The following DCUN1D2 variants were observed in gnomAD, a reference collection of about 807,000 sequenced individuals.
DCUN1D2 encodes defective in cullin neddylation 1 domain containing 2.
A neutral mutation model predicts 30.9 loss-of-function variants in DCUN1D2; 29 were observed. The observed-to-expected ratio is 0.94, with a 90% confidence interval of 0.70 to 1.28. The LOEUF (loss-of-function observed/expected upper bound fraction) is 1.28, where lower values mean the gene tolerates loss of function less well. Ranked by LOEUF, DCUN1D2 falls within the 50% of genes most tolerant of loss-of-function variation. DCUN1D2 has a pLI of 0.00. For missense variants in DCUN1D2, 325 were observed against 316.9 expected, an observed-to-expected ratio of 1.03 and a Z score of -0.19; for synonymous variants, 121 against 115.3, an observed-to-expected ratio of 1.05 and a Z score of -0.32.
At chr13:113,464,637 G>A (rs1456648850) in intron 4 of DCUN1D2, among the ~76,000 whole-genome samples, 1 of 152,262 alleles carries the variant, frequency 6.6e-6, no homozygotes, top group Non-Finnish European at 1.5e-5. Flanking sequence ...GCCTCTGCAG[G>A]CCCAGTGCTT....
At chr13:113,482,451 TA>T (rs1476645209) in intron 2 of DCUN1D2, among the ~76,000 whole-genome samples, 6 of 152,194 alleles carry the variant, frequency 3.9e-5, no homozygotes, top group Non-Finnish European at 8.8e-5. Context: ...CAAAAATTTT[TA>T]AAGTAGACTA....
chr13:113,471,964 T>C (rs1249345119), intron 4 of DCUN1D2, among the ~76,000 whole-genome samples: 1 of 152,196 alleles, frequency 6.6e-6, no homozygotes, highest in African/African-American at 2.4e-5. Flanking sequence ...GAGGCCTGGC[T>C]GTGTGCCTGG....
chr13:113,461,458 T>C (rs1566492244), intron 4 of DCUN1D2, among the ~76,000 whole-genome samples: 1 of 152,252 alleles, frequency 6.6e-6, no homozygotes, highest in Non-Finnish European at 1.5e-5. Context: ...ATCTGGATAC[T>C]ATTAATGCGT....
upstream of DCUN1D2, chr13:113,491,273 G>C (rs1594141574): frequency 1.3e-5 from 2 of 152,372 alleles, no homozygotes; most frequent in Non-Finnish European, 2.9e-5. Context: ...CCTGCGTCCC[G>C]GTGAGCACCA....
intron 1 of DCUN1D2, chr13:113,484,297 T>C (rs1372112547): frequency 2.6e-6 from 2 of 783,124 alleles, no homozygotes; most frequent in East Asian, 6.9e-5. Context: ...TTCTGATCTC[T>C]ATCCAGTTCA....
intron 1 of DCUN1D2, among the ~76,000 whole-genome samples, chr13:113,486,414 G>A (rs906482619): frequency 6.6e-5 from 10 of 152,106 alleles, no homozygotes; most frequent in African/African-American, 1.9e-4. Context: ...CCTGGTTGAC[G>A]ACATAATCTG....
chr13:113,483,741 G>A, intron 2 of DCUN1D2, 99 bp downstream of exon 2: 1 of 1,210,460 alleles, frequency 8.3e-7, no homozygotes, highest in South Asian at 1.4e-5. Flanking sequence ...AGCAACGGCA[G>A]CCCGGAGACC....
chr13:113,481,045 A>G (rs893961375), intron 2 of DCUN1D2, among the ~76,000 whole-genome samples: 19 of 152,326 alleles, frequency 1.2e-4, no homozygotes, highest in African/African-American at 4.6e-4. Context: ...CCCTAAAGTG[A>G]AATAAAAATT....
intron 4 of DCUN1D2, among the ~76,000 whole-genome samples, chr13:113,468,250 A>C (rs4907496): frequency 6.6e-6 from 1 of 152,026 alleles, no homozygotes; most frequent in Non-Finnish European, 1.5e-5. Context: ...CTACAACAAA[A>C]CATTATACCA....
chr13:113,460,484 C>G (rs187004282), intron 5 of DCUN1D2, among the ~76,000 whole-genome samples: 1 of 152,236 alleles, frequency 6.6e-6, no homozygotes. Flanking sequence ...CTGCTGCCAG[C>G]AAGACGGGCT....
At chr13:113,487,538 G>GTCCAGCCACACGGTGCACGAC (rs981996645) in intron 1 of DCUN1D2, among the ~76,000 whole-genome samples, 2 of 152,116 alleles carry the variant, frequency 1.3e-5, no homozygotes, top group African/African-American at 4.8e-5. Flanking sequence ...CAGTGCACGA[G>GTCCAGCCACACGGTGCACGAC]TCCAGCCACA....
Position 113,490,538 on chromosome 13 carries a change from G to T in DCUN1D2, c.3+129C>A. Reference sequence around the variant, plus strand: ...GGGCCCGCGGCGCGTTCCTCCCTCGGATCCACGCGGAACGCCCCGCGCAGC... The same window carrying T: ...GGGCCCGCGGCGCGTTCCTCCCTCGTATCCACGCGGAACGCCCCGCGCAGC... On this transcript the variant is annotated intron_variant, in intron 1 of 6. Coordinates refer to ENST00000478244, the MANE Select transcript of DCUN1D2 (RefSeq NM_001014283.2). This position sits in a 1 kb window ranked among gnomAD's most constrained non-coding sequence, Gnocchi z 5.2. 1.0e-6 allele frequency: 1 copy of T among 980,872 alleles called. No homozygotes were observed. Among genetic ancestry groups the T allele is most frequent in the Non-Finnish European group, 1.3e-6 (1 of 758,138 alleles). The allele number at this position is 980,872 out of a possible 1,614,324, so 60.8% of individuals were successfully genotyped here.
intron 3 of DCUN1D2, among the ~76,000 whole-genome samples, chr13:113,474,727 G>A (rs1467536912): frequency 6.6e-6 from 1 of 152,122 alleles, no homozygotes; most frequent in African/African-American, 2.4e-5. Context: ...GCAGAGACGA[G>A]GTAATGGAAA....
chr13:113,464,950 G>C (rs1338533395), intron 4 of DCUN1D2, among the ~76,000 whole-genome samples: 1 of 152,180 alleles, frequency 6.6e-6, no homozygotes, highest in East Asian at 1.9e-4. Flanking sequence ...GCCTAGAAAA[G>C]CTCCATAATA....
rs948543893 is a variant in DCUN1D2, at chr13:113,457,168, C to G, written c.*861G>C. On this transcript the variant is annotated 3_prime_UTR_variant, in exon 7 of 7. Transcript: ENST00000478244. ...ATGCTGGGATTACAGGTGTGAGCCA[C>G]CACGCCCGGCCTTGATTTTAAAATC... The G allele has an allele frequency of 1.3e-5, 2 of 152,190 alleles. No homozygotes were observed. Among genetic ancestry groups the G allele is most frequent in the African/African-American group, 4.8e-5 (2 of 41,438 alleles). 9.4% of individuals were successfully genotyped at this position (152,190 alleles called of 1,614,324 possible).
intron 4 of DCUN1D2, among the ~76,000 whole-genome samples, chr13:113,473,678 T>C (rs1476395154): frequency 6.6e-6 from 1 of 152,028 alleles, no homozygotes; most frequent in African/African-American, 2.4e-5. Flanking sequence ...CAGAGCAAAG[T>C]GTGGAGAAGA....
intron 1 of DCUN1D2, among the ~76,000 whole-genome samples, chr13:113,485,941 T>A (rs1231121669): frequency 6.6e-6 from 1 of 152,182 alleles, no homozygotes. Flanking sequence ...TTCGAGAGCC[T>A]ATCTTTTATC....
At chr13:113,475,498 T>C (rs2044600415) in intron 3 of DCUN1D2, 4 of 152,246 alleles carry the variant, frequency 2.6e-5, no homozygotes, top group Admixed American at 2.6e-4. Context: ...ACAGTGAAAT[T>C]TCCTAACGAT....
chr13:113,489,169 G>A, intron 1 of DCUN1D2: 2 of 985,078 alleles, frequency 2.0e-6, no homozygotes, highest in Non-Finnish European at 2.4e-6. Flanking sequence ...TCGGTATACA[G>A]CACGCTAGAG....
Sources: allele counts gnomAD v4.1 joint callset (sites outside exome capture counted in the v4.1 genomes callset), GRCh38; gene constraint gnomAD v4.1.1; non-coding constraint Gnocchi (gnomAD v3.1); transcripts MANE v1.5; gene names NCBI Gene and HGNC (gene_info 2026-07-23, HGNC 2026-07-21).